CCSER1: variants seen among roughly 807,000 people sequenced by gnomAD.
CCSER1 encodes the protein coiled-coil serine rich protein 1.
A neutral mutation model predicts 82.0 loss-of-function variants in CCSER1; 41 were observed. That is an observed-to-expected ratio of 0.50 (90% CI 0.39 to 0.65). The LOEUF (loss-of-function observed/expected upper bound fraction) is 0.65, where lower values mean the gene tolerates loss of function less well. CCSER1 is among the 30% of genes least tolerant of loss of function. The probability of loss-of-function intolerance (pLI) is 0.00; values close to 1 mark genes in which losing one functional copy is unlikely to be tolerated. For missense variants in CCSER1, 1,119 were observed against 1,064.2 expected (o/e 1.05, Z -0.72); for synonymous variants, 414 against 383.9 (o/e 1.08, Z -0.92).
intron 1 of CCSER1, among the ~76,000 whole-genome samples, chr4:90,289,972 C>T (rs942290544): frequency 6.6e-6 from 1 of 151,614 alleles, no homozygotes; most frequent in Non-Finnish European, 1.5e-5. Context: ...AAAATCCAAA[C>T]CTAGATAATA....
chr4:90,214,531 C>T lies in CCSER1; in HGVS notation c.-42+86700C>T, dbSNP rs1055489723. On this transcript the variant is annotated intron_variant, in intron 1 of 10. Coordinates refer to ENST00000509176, the MANE Select transcript of CCSER1 (RefSeq NM_001145065.2). ...ACAAAAATGAATTAACTGTGAATTT[C>T]TCAGTTATTTTGACATCATGTAGCC... Among the ~76,000 whole-genome samples the T allele has an allele frequency of 2.8e-5, 4 of 142,794 alleles. No homozygotes were observed. In the East Asian group the frequency reaches 8.4e-4, roughly 30 times the overall value. The allele number at this position is 142,794 out of a possible 152,430, so 93.7% of individuals were successfully genotyped here. A position where few individuals can be genotyped will look rare whatever the true frequency, so the allele number is the denominator to read the frequency against.
At chr4:90,934,085 G>A (rs563589029) in intron 9 of CCSER1, among the ~76,000 whole-genome samples, 1 of 151,706 alleles carries the variant, frequency 6.6e-6, no homozygotes, top group South Asian at 2.1e-4. Flanking sequence ...TTTTCATAAG[G>A]TTTTCTTTAT....
Position 91,544,404 on chromosome 4 carries a change from C to A in CCSER1, c.2218-54168C>A, listed in dbSNP as rs562292144. 1.4e-3 allele frequency among the ~76,000 whole-genome samples: 219 copies of A among 152,302 alleles called. 1 individual carries two copies. Among genetic ancestry groups the A allele is most frequent in the African/African-American group, 5.0e-3 (209 of 41,576 alleles). On this transcript the variant is annotated intron_variant, in intron 10 of 10. Transcript: ENST00000509176. The stretch of plus-strand genomic sequence containing the variant: ...GAGATGCTCTGATTTTTAGAATTTT[C>A]AGCTTTTCTGCTCTGGTTTCTCCCT...
intron 9 of CCSER1, among the ~76,000 whole-genome samples, chr4:90,993,978 A>T (rs1462585778): frequency 1.3e-5 from 2 of 152,098 alleles, no homozygotes; most frequent in East Asian, 3.9e-4. Flanking sequence ...TTGACTTATG[A>T]TATGGTTACA....
At chr4:91,062,135 CT>C (rs914347375) in intron 9 of CCSER1, among the ~76,000 whole-genome samples, 4 of 151,956 alleles carry the variant, frequency 2.6e-5, no homozygotes, top group African/African-American at 4.8e-5. Flanking sequence ...ATTGTCTCAT[CT>C]TTTTCCCAAA....
intron 10 of CCSER1, among the ~76,000 whole-genome samples, chr4:91,105,882 GT>G (rs1554068475): frequency 2.0e-5 from 3 of 149,592 alleles, no homozygotes; most frequent in Non-Finnish European, 4.5e-5. Context: ...TACGGTTTTT[GT>G]TTTTTTTTCA....
At chr4:91,504,159 A>G (rs1759363595) in intron 10 of CCSER1, among the ~76,000 whole-genome samples, 4 of 152,206 alleles carry the variant, frequency 2.6e-5, no homozygotes, top group Admixed American at 2.6e-4. Flanking sequence ...AACAGACACA[A>G]TACTGTATGG....
intron 10 of CCSER1, among the ~76,000 whole-genome samples, chr4:91,220,761 A>G (rs1737664213): frequency 6.6e-6 from 1 of 152,164 alleles, no homozygotes. Context: ...CACTTACTGA[A>G]AAAAAAGGAA....
intron 6 of CCSER1, among the ~76,000 whole-genome samples, chr4:90,661,421 T>C (rs1472197862): frequency 2.6e-5 from 4 of 152,232 alleles, no homozygotes; most frequent in African/African-American, 9.6e-5. Context: ...AATTTGTGAG[T>C]GTATTTATAT....
At chr4:90,337,942 G>A (rs1295543461) in intron 3 of CCSER1, among the ~76,000 whole-genome samples, 2 of 152,138 alleles carry the variant, frequency 1.3e-5, no homozygotes, top group African/African-American at 4.8e-5. Flanking sequence ...GTTGTTTTGT[G>A]AAGAATATTA....
intron 7 of CCSER1, among the ~76,000 whole-genome samples, chr4:90,793,268 T>C (rs1755522492): frequency 6.6e-6 from 1 of 152,166 alleles, no homozygotes; most frequent in African/African-American, 2.4e-5. Context: ...TGGTACAGAT[T>C]ATTTTGTCAC....
At chr4:91,549,290 T>C (rs189603194) in intron 10 of CCSER1, among the ~76,000 whole-genome samples, 2 of 152,316 alleles carry the variant, frequency 1.3e-5, no homozygotes, top group Non-Finnish European at 2.9e-5. Flanking sequence ...ATAAAGATCT[T>C]AGCATATTAA....
intron 10 of CCSER1, among the ~76,000 whole-genome samples, chr4:91,432,463 C>G (rs1434316355): frequency 6.6e-6 from 1 of 152,200 alleles, no homozygotes; most frequent in East Asian, 1.9e-4. Flanking sequence ...TCAATAGATA[C>G]AGACAACGTT....
chr4:90,841,916 G>T (rs903809829), intron 8 of CCSER1, among the ~76,000 whole-genome samples: 2 of 152,154 alleles, frequency 1.3e-5, no homozygotes, highest in African/African-American at 4.8e-5. Context: ...CAATGAATGA[G>T]AATTTGGGCA....
At chr4:91,401,724 T>G (rs933015931) in intron 10 of CCSER1, among the ~76,000 whole-genome samples, 1 of 152,178 alleles carries the variant, frequency 6.6e-6, no homozygotes. Flanking sequence ...ACAAAGGACA[T>G]GAACTCATCC....
intron 7 of CCSER1, among the ~76,000 whole-genome samples, chr4:90,809,055 T>C (rs1390501400): frequency 6.6e-6 from 1 of 152,132 alleles, no homozygotes; most frequent in Non-Finnish European, 1.5e-5. Flanking sequence ...CGGTGGCTGA[T>C]GTCCGTAATC....
At chr4:90,182,447 C>G (rs906126798) in intron 1 of CCSER1, among the ~76,000 whole-genome samples, 4 of 152,048 alleles carry the variant, frequency 2.6e-5, no homozygotes, top group Non-Finnish European at 5.9e-5. Flanking sequence ...TTATTCTTTA[C>G]CGATGTCTCT....
intron 10 of CCSER1, among the ~76,000 whole-genome samples, chr4:91,143,481 G>T (rs557291230): frequency 1.1e-4 from 17 of 152,056 alleles, no homozygotes; most frequent in African/African-American, 4.1e-4. Context: ...TATTTATCTT[G>T]CCTGATTGCT....
At chr4:90,633,206 A>G (rs1724768589) in intron 6 of CCSER1, among the ~76,000 whole-genome samples, 1 of 152,102 alleles carries the variant, frequency 6.6e-6, no homozygotes, top group African/African-American at 2.4e-5. Context: ...AATGGATTTC[A>G]TTCTGTTTCC....
Sources: allele counts gnomAD v4.1 joint callset (sites outside exome capture counted in the v4.1 genomes callset), GRCh38; gene constraint gnomAD v4.1.1; transcripts MANE v1.5; gene names NCBI Gene and HGNC (gene_info 2026-07-23, HGNC 2026-07-21).